The following GOLGA1 variants were observed in gnomAD, a reference collection of about 807,000 sequenced individuals.
The protein encoded by GOLGA1 is golgin subfamily A member 1.
Under a neutral mutation model 119.7 loss-of-function variants are expected in GOLGA1, and 63 were observed. The ratio of observed to expected loss-of-function variants is 0.53; its 90% CI spans 0.43 to 0.65. The LOEUF (loss-of-function observed/expected upper bound fraction) is 0.65. Ranked by LOEUF, GOLGA1 falls within the 30% of genes least tolerant of loss-of-function variation. GOLGA1 has a pLI of 0.00. For missense variants in GOLGA1, 798 were observed against 912.8 expected (o/e 0.87, Z 1.62); for synonymous variants, 318 against 333.4 (o/e 0.95, Z 0.50).
chr9:124,912,879 A>C (rs578001943), intron 10 of GOLGA1, among the ~76,000 whole-genome samples: 1 of 152,290 alleles, frequency 6.6e-6, no homozygotes, highest in African/African-American at 2.4e-5. Flanking sequence ...TGGTGGTAGC[A>C]ACAGGTTGGG....
At position 124,917,330 on chromosome 9, in the gene GOLGA1, AAT is replaced by A. The variant is rs974301855; in HGVS notation, c.843+3797_843+3798del. 9.1e-4 allele frequency among the ~76,000 whole-genome samples: 139 copies of A among 152,204 alleles called. 6 individuals are homozygous for A. Among genetic ancestry groups the A allele is most frequent in the Admixed American group, 3.9e-4 (6 of 15,278 alleles). On this transcript the variant is annotated intron_variant, in intron 10 of 22. Transcript: ENST00000373555. ...CTTTCTATCATACTCATATTTTATA[AAT>A]ATGTTTTTATATATACTCAATAAAG... is the stretch of plus-strand genomic sequence containing the variant.
intron 16 of GOLGA1, 66 bp downstream of exon 16, chr9:124,890,323 C>T (rs1588059960): frequency 9.3e-7 from 1 of 1,075,960 alleles, no homozygotes; most frequent in Non-Finnish European, 1.4e-6. Flanking sequence ...AGTCTCACGG[C>T]AGGATGGGCC....
chr9:124,912,267 C>G (rs1415991778), intron 10 of GOLGA1, among the ~76,000 whole-genome samples: 55 of 152,176 alleles, frequency 3.6e-4, no homozygotes, highest in Non-Finnish European at 1.3e-4. Context: ...AATTAAACAA[C>G]TGACAGTCTG....
intron 2 of GOLGA1, 44 bp from the exon 3 acceptor site, chr9:124,938,910 A>C (rs913121162): frequency 1.1e-5 from 5 of 475,602 alleles, no homozygotes; most frequent in Non-Finnish European, 1.8e-5. Flanking sequence ...TAAACATTGG[A>C]AAGATTTCGC....
At chr9:124,941,740 A>C (rs556983585), upstream of GOLGA1, among the ~76,000 whole-genome samples, 22 of 152,308 alleles carry the variant, frequency 1.4e-4, no homozygotes, top group African/African-American at 4.6e-4. Flanking sequence ...ATATTGGATT[A>C]GCTTCACCAT....
chr9:124,919,936 A>ACATT (rs1564339459), intron 10 of GOLGA1, among the ~76,000 whole-genome samples: 1 of 151,502 alleles, frequency 6.6e-6, no homozygotes, highest in Admixed American at 6.6e-5. Context: ...TATTTTATTT[A>ACATT]TATTTATTTA....
At position 124,938,764 on chromosome 9, in the gene GOLGA1, C is replaced by G. The variant is rs1428860382; in HGVS notation, c.-53G>C. 70 of 1,529,474 alleles carry G rather than the reference C, an allele frequency of 4.6e-5. 4 individuals carry two copies. The East Asian group carries it at 1.6e-3, about 35-fold the overall frequency. 94.7% of individuals were successfully genotyped at this position (1,529,474 alleles called of 1,614,324 possible). A position where few individuals can be genotyped will look rare whatever the true frequency, so the allele number is the denominator to read the frequency against. On this transcript the variant is annotated 5_prime_UTR_variant, in exon 3 of 23. Coordinates refer to ENST00000373555, the MANE Select transcript of GOLGA1 (RefSeq NM_002077.4). ...TGACGAGCTCTCAGTAGTCCTGGTG[C>G]CTGTGTTCAGGATTCAGACAGAGGC...
upstream of GOLGA1, among the ~76,000 whole-genome samples, chr9:124,942,416 TC>T (rs1356351937): frequency 6.6e-6 from 1 of 152,042 alleles, no homozygotes; most frequent in Non-Finnish European, 1.5e-5. Context: ...ACCCAATTCT[TC>T]AACAGTCCCT....
chr9:124,880,750 A>G lies in GOLGA1; in HGVS notation c.2224-140T>C. ...CTCTGGCTCTGAGCAGAGCAAGAAG[A>G]TGGTGCCAGTAACCAGTCTGCAGGC... On this transcript the variant is annotated intron_variant, in intron 22 of 22. Transcript: ENST00000373555. 5 of 636,556 alleles carry G rather than the reference A, an allele frequency of 7.9e-6. No individual in the cohort carries two copies. In the South Asian group the frequency reaches 8.4e-5, roughly 11 times the overall value. 39.4% of individuals were successfully genotyped at this position (636,556 alleles called of 1,614,324 possible). A position where few individuals can be genotyped will look rare whatever the true frequency, so the allele number is the denominator to read the frequency against.
intron 3 of GOLGA1, among the ~76,000 whole-genome samples, chr9:124,935,899 C>T (rs1431879527): frequency 6.6e-6 from 1 of 151,732 alleles, no homozygotes; most frequent in Non-Finnish European, 1.5e-5. Flanking sequence ...TGAAGGTGCA[C>T]ATTTGGAGAT....
Position 124,879,011 on chromosome 9 carries a change from CT to C in GOLGA1, c.*1518del, listed in dbSNP as rs1829511082. The C allele has an allele frequency of 3.3e-5, 5 of 152,190 alleles. No homozygotes were observed. Among genetic ancestry groups the C allele is most frequent in the African/African-American group, 9.7e-5 (4 of 41,444 alleles). The allele number at this position is 152,190 out of a possible 1,614,324, so 9.4% of individuals were successfully genotyped here. A position where few individuals can be genotyped will look rare whatever the true frequency, so the allele number is the denominator to read the frequency against. ...AGGTTAGTCACTGGAGAAGCGGCCTCTGGAAGGCAGAGAGCCTGAGCTGGGA... is the reference window on the plus strand; with the variant it reads ...AGGTTAGTCACTGGAGAAGCGGCCTCGGAAGGCAGAGAGCCTGAGCTGGGA... On this transcript the variant is annotated 3_prime_UTR_variant, in exon 23 of 23. Coordinates refer to ENST00000373555, the MANE Select transcript of GOLGA1 (RefSeq NM_002077.4).
rs1036174824 is a variant in GOLGA1 at position 124,889,320 on chromosome 9, G to A, written c.1601-17C>T. 3 of 1,612,096 alleles carry A rather than the reference G, an allele frequency of 1.9e-6. No homozygotes were observed. The highest frequency in any genetic ancestry group is 2.2e-5 in the East Asian group (1 of 44,824). ...AGTTGTGACCTAGGTCGGGGAGGAG[G>A]GGAGGGGGCACTGTGAGCCCAGTGA... On this transcript the variant is annotated splice_polypyrimidine_tract_variant and intron_variant, in intron 17 of 22. Coordinates refer to ENST00000373555, the MANE Select transcript of GOLGA1 (RefSeq NM_002077.4).
intron 12 of GOLGA1, among the ~76,000 whole-genome samples, chr9:124,904,746 C>T (rs1830186686): frequency 6.6e-6 from 1 of 152,060 alleles, no homozygotes; most frequent in Admixed American, 6.6e-5. Context: ...TCAAGACCAG[C>T]CTGGCCAACA....
chr9:124,936,444 T>TA (rs919699168), intron 3 of GOLGA1, among the ~76,000 whole-genome samples: 8 of 151,676 alleles, frequency 5.3e-5, no homozygotes, highest in Non-Finnish European at 4.4e-5. Context: ...ATCTTTTTTT[T>TA]AAAAAAAATC....
chr9:124,889,296 G>A lies in GOLGA1; in HGVS notation c.1608C>T (p.Asn536=), dbSNP rs1339072531. ...QEILQLERGH[N]SALLQIHQLQ... is the part of the protein sequence containing the mutation. ...GCTGGTGTATCTGCAGCAGGGCAGA[G>A]TTGTGACCTAGGTCGGGGAGGAGGG... The change falls in exon 18 of 23, where the codon AAC becomes AAT. Residue 536 remains asparagine (N), a synonymous_variant. Transcript: ENST00000373555. 1.2e-6 allele frequency: 2 copies of A among 1,613,374 alleles called. No homozygotes were observed. The highest frequency in any genetic ancestry group is 3.3e-5 in the Admixed American group (2 of 59,974).
chr9:124,889,642 TG>T, intron 16 of GOLGA1, 106 bp from the exon 17 acceptor site: 1 of 802,656 alleles, frequency 1.2e-6, no homozygotes, highest in Non-Finnish European at 2.2e-6. Context: ...AATCCCTCCC[TG>T]AAGTCCACGA....
At chr9:124,926,567 T>C (rs1010278931) in intron 7 of GOLGA1, 142 bp downstream of exon 7, 2 of 720,786 alleles carry the variant, frequency 2.8e-6, no homozygotes, top group Non-Finnish European at 5.1e-6. Flanking sequence ...GGATCAGAGC[T>C]TTTCAAGTCA....
chr9:124,925,922 T>C (rs1013737258), intron 7 of GOLGA1, among the ~76,000 whole-genome samples: 2 of 152,232 alleles, frequency 1.3e-5, no homozygotes, highest in Admixed American at 6.5e-5. Flanking sequence ...TACGGTGTTA[T>C]GCAAGCAATG....
chr9:124,908,252 G>GT (rs1830271001), intron 12 of GOLGA1, 125 bp downstream of exon 12: 1 of 681,348 alleles, frequency 1.5e-6, no homozygotes, highest in African/African-American at 1.8e-5. Context: ...CCCTGTATAG[G>GT]TAAGATCCAA....
Sources: gnomAD v4.1 joint callset for allele counts (sites outside exome capture counted in the v4.1 genomes callset) on GRCh38, gnomAD v4.1.1 for gene constraint, MANE v1.5 for transcripts, NCBI Gene and HGNC (gene_info 2026-07-23, HGNC 2026-07-21) for gene names.